Variants in PWWP2B observed in about 807,000 individuals in gnomAD.
PWWP2B encodes the protein PWWP domain containing 2B, also known as PWWP domain-containing protein 2B.
In PWWP2B, 9 loss-of-function variants were observed where a neutral mutation model predicts 15.5. The observed-to-expected ratio is 0.58, with a 90% CI of 0.35 to 1.02. The LOEUF (loss-of-function observed/expected upper bound fraction) is 1.02. Among genes scored for constraint, PWWP2B ranks in the 50% least tolerant of loss-of-function variants. The probability of loss-of-function intolerance (pLI) is 0.02; values close to 1 mark genes in which losing one functional copy is unlikely to be tolerated. For missense variants in PWWP2B, 864 were observed against 865.3 expected (o/e 1.00, Z 0.02); for synonymous variants, 474 against 403.6 (o/e 1.17, Z -2.09).
chr10:132,414,180 G>A (rs568164169), intron 2 of PWWP2B, among the ~76,000 whole-genome samples: 24 of 152,356 alleles, frequency 1.6e-4, no homozygotes, highest in African/African-American at 5.8e-4. Flanking sequence ...GGCCACTGCT[G>A]CTGTTCGGGA....
chr10:132,400,047 T>G (rs866992830), intron 1 of PWWP2B, among the ~76,000 whole-genome samples: 7 of 152,166 alleles, frequency 4.6e-5, no homozygotes, highest in Non-Finnish European at 1.0e-4. Context: ...ACACTGCCTG[T>G]CCCGGCAGAA....
intron 1 of PWWP2B, among the ~76,000 whole-genome samples, chr10:132,401,691 C>T (rs971702091): frequency 2.6e-5 from 4 of 152,262 alleles, no homozygotes; most frequent in African/African-American, 9.6e-5. Flanking sequence ...CAGCGCCGTC[C>T]CCGTGCCTGG....
chr10:132,403,062 T>C (rs1045264129), intron 1 of PWWP2B, among the ~76,000 whole-genome samples: 1 of 152,242 alleles, frequency 6.6e-6, no homozygotes, highest in African/African-American at 2.4e-5. Flanking sequence ...TTCCCACGGC[T>C]GCTGCAGGGC....
rs920208697 is a variant in PWWP2B, at chr10:132,417,142, C to T, written c.*98C>T. On this transcript the variant is annotated 3_prime_UTR_variant, in exon 3 of 3. Coordinates refer to ENST00000305233, the MANE Select transcript of PWWP2B (RefSeq NM_138499.4). Reference sequence around the variant, plus strand: ...ACCCTGTGAGCCTTCTGGCCGGCTGCGTGCAGAGCCCACTGGGCACGGTGG... The same window carrying T: ...ACCCTGTGAGCCTTCTGGCCGGCTGTGTGCAGAGCCCACTGGGCACGGTGG... The T allele has an allele frequency of 1.1e-5, 18 of 1,587,232 alleles. No individual in the cohort carries two copies. Among genetic ancestry groups the T allele is most frequent in the African/African-American group, 1.3e-5 (1 of 74,538 alleles).
At chr10:132,413,482 CCTCT>C (rs1054892376) in intron 2 of PWWP2B, among the ~76,000 whole-genome samples, 2 of 152,174 alleles carry the variant, frequency 1.3e-5, no homozygotes, top group African/African-American at 4.8e-5. Context: ...GTGTCACATC[CCTCT>C]CTCTGTGGCA....
chr10:132,415,351 C>T (rs963626118), intron 2 of PWWP2B, among the ~76,000 whole-genome samples: 1 of 151,238 alleles, frequency 6.6e-6, no homozygotes, highest in Non-Finnish European at 1.5e-5. Flanking sequence ...TCCACTCACA[C>T]ACATCCACTC....
intron 1 of PWWP2B, among the ~76,000 whole-genome samples, chr10:132,403,356 G>T (rs1334676658): frequency 6.6e-6 from 1 of 152,208 alleles, no homozygotes; most frequent in Non-Finnish European, 1.5e-5. Flanking sequence ...CTCTGGTTTA[G>T]CTAGAGCGGT....
Position 132,404,999 on chromosome 10 carries a change from A to G in PWWP2B, c.499A>G (p.Ser167Gly). Reference protein sequence around the residue: ...RNRDPGRLILSTIRLRPRQVL... With the variant: ...RNRDPGRLILGTIRLRPRQVL... The stretch of plus-strand genomic sequence containing the variant: ...CCGCGACCCGGGGCGCCTCATCCTC[A>G]GCACCATCCGCCTGCGGCCGCGCCA... Residue 167 changes from serine (S) to glycine (G), a missense_variant, in exon 2 of 3, where the codon AGC (serine) becomes GGC (glycine). Physicochemically the swap from Ser to Gly is moderately conservative, Grantham distance 56 (BLOSUM62 0). Around this residue, in one of 2 missense-constraint regions of PWWP2B, gnomAD observed 736 missense variants for 687.7 expected, o/e 1.07. Transcript: ENST00000305233. 1 of 1,558,812 alleles carries G rather than the reference A, an allele frequency of 6.4e-7. No homozygotes were observed. The highest frequency in any genetic ancestry group is 8.6e-7 in the Non-Finnish European group (1 of 1,158,912).
At chr10:132,398,284 T>G (rs913627128) in intron 1 of PWWP2B, among the ~76,000 whole-genome samples, 1 of 152,204 alleles carries the variant, frequency 6.6e-6, no homozygotes, top group Non-Finnish European at 1.5e-5. Flanking sequence ...ATCTCTTCAT[T>G]AGATGTGCCA....
rs531587255 is a variant in PWWP2B at position 132,408,633 on chromosome 10, C to T, written c.*16+2344C>T. Among the ~76,000 whole-genome samples, 10 of 152,320 alleles carry T rather than the reference C, an allele frequency of 6.6e-5. No individual in the cohort carries two copies. In the East Asian group the frequency reaches 1.5e-3, roughly 24 times the overall value. On this transcript the variant is annotated intron_variant, in intron 2 of 2. Coordinates refer to ENST00000305233, the MANE Select transcript of PWWP2B (RefSeq NM_138499.4). ...TCCTGCAGCTGCCCGAGGATGAGGACGGGGATGGCTGGGCGGTGTCAGAAG... is the reference window on the plus strand; with the variant it reads ...TCCTGCAGCTGCCCGAGGATGAGGATGGGGATGGCTGGGCGGTGTCAGAAG...
At chr10:132,415,252 A>T (rs1031465765) in intron 2 of PWWP2B, among the ~76,000 whole-genome samples, 3 of 150,658 alleles carry the variant, frequency 2.0e-5, no homozygotes, top group African/African-American at 7.4e-5. Context: ...ATCCACTCAC[A>T]CACACACCCG....
intron 2 of PWWP2B, among the ~76,000 whole-genome samples, chr10:132,409,213 C>A (rs1258051259): frequency 6.6e-6 from 1 of 152,258 alleles, no homozygotes; most frequent in Non-Finnish European, 1.5e-5. Flanking sequence ...CCTGTGGCCG[C>A]TGCCCTTGGA....
chr10:132,400,763 G>T (rs2069605450), intron 1 of PWWP2B, among the ~76,000 whole-genome samples: 1 of 152,256 alleles, frequency 6.6e-6, no homozygotes, highest in Non-Finnish European at 1.5e-5. Context: ...GTCCTGCGCT[G>T]CGCTGAGGCT....
At chr10:132,411,557 G>A (rs1373512768) in intron 2 of PWWP2B, among the ~76,000 whole-genome samples, 1 of 152,248 alleles carries the variant, frequency 6.6e-6, no homozygotes, top group Non-Finnish European at 1.5e-5. Flanking sequence ...GTGGGGCAAG[G>A]GAGGGACCCA....
In PWWP2B at chr10:132,416,963, C is replaced by A. The variant is rs1277791185; in HGVS notation, c.*17-98C>A. 1.1e-5 allele frequency: 15 copies of A among 1,365,524 alleles called. No homozygotes were observed. In the East Asian group the frequency reaches 3.5e-4, roughly 31 times the overall value. 84.6% of individuals were successfully genotyped at this position (1,365,524 alleles called of 1,614,324 possible). A position where few individuals can be genotyped will look rare whatever the true frequency, so the allele number is the denominator to read the frequency against. On this transcript the variant is annotated intron_variant, in intron 2 of 2. Coordinates refer to ENST00000305233, the MANE Select transcript of PWWP2B (RefSeq NM_138499.4). The stretch of plus-strand genomic sequence containing the variant: ...TGGAGGTCCCGGGTGAGCCTCAGGC[C>A]CTCCGGGGCACCCTGACCTGCTGCT...
Position 132,406,021 on chromosome 10 carries a change from T to G in PWWP2B, c.1521T>G (p.Arg507=). ...KIHGFPWWPA[R]VLDISLGQKE... is the part of the protein sequence containing the mutation. The stretch of plus-strand genomic sequence containing the variant: ...ATGGTTTTCCTTGGTGGCCGGCGCG[T>G]GTTCTTGACATCAGTCTCGGCCAGA... The change falls in exon 2 of 3, where the codon CGT becomes CGG. Residue 507 remains arginine, a synonymous_variant. Transcript: ENST00000305233. 1 of 1,613,710 alleles carries G rather than the reference T, an allele frequency of 6.2e-7. No individual in the cohort carries two copies.
chr10:132,414,404 C>G (rs1248363487), intron 2 of PWWP2B, among the ~76,000 whole-genome samples: 2 of 152,200 alleles, frequency 1.3e-5, no homozygotes, highest in African/African-American at 2.4e-5. Flanking sequence ...TCCTAAAATG[C>G]TGCATTAGAA....
intron 2 of PWWP2B, among the ~76,000 whole-genome samples, chr10:132,412,982 G>T (rs1430676559): frequency 6.6e-6 from 1 of 152,248 alleles, no homozygotes; most frequent in Non-Finnish European, 1.5e-5. Flanking sequence ...GTCCTGTGGT[G>T]ACCACAGCAG....
In PWWP2B at chr10:132,405,411, G is replaced by A. The variant is rs750881281; in HGVS notation, c.911G>A (p.Arg304Gln). ...GTGCTGGACAGAGAGTCCCGGGACC[G>A]GCCGTCCTGCGCGCCCTCGGCCTCC... ...PEVLDRESRD[R>Q]PSCAPSASIP... is the part of the protein sequence containing the mutation. The change falls in exon 2 of 3, where the codon CGG becomes CAG. Residue 304 changes from arginine to glutamine, a missense_variant. By Grantham distance (43) the Arg-to-Gln change is conservative. This residue lies in a region of PWWP2B where 736 missense variants were observed against 687.7 expected (regional missense o/e 1.07). Coordinates refer to ENST00000305233, the MANE Select transcript of PWWP2B (RefSeq NM_138499.4). 98 of 1,610,756 alleles carry A rather than the reference G, an allele frequency of 6.1e-5. No individual in the cohort carries two copies. The highest frequency in any genetic ancestry group is 6.9e-5 in the Non-Finnish European group (81 of 1,179,258).
Sources: gnomAD v4.1 joint callset for allele counts (sites outside exome capture counted in the v4.1 genomes callset) on GRCh38, gnomAD v4.1.1 for gene constraint, gnomAD v4.1.1 regional missense constraint, MANE v1.5 for transcripts, NCBI Gene and HGNC (gene_info 2026-07-23, HGNC 2026-07-21) for gene names.